Variants in ZFAND3 observed in about 807,000 individuals in gnomAD.
ZFAND3 encodes the protein zinc finger AN1-type containing 3, also known as AN1-type zinc finger protein 3.
Under a neutral mutation model 29.6 loss-of-function variants are expected in ZFAND3, and 10 were observed. That is an observed-to-expected ratio of 0.34 (90% CI 0.21 to 0.57). The LOEUF (loss-of-function observed/expected upper bound fraction) is 0.57. ZFAND3 is among the 20% of genes least tolerant of loss of function. ZFAND3 has a pLI of 0.86. For missense variants in ZFAND3, 230 were observed against 304.5 expected (o/e 0.76, Z 1.82); for synonymous variants, 128 against 112.6 (o/e 1.14, Z -0.87).
chr6:37,942,417 T>A (rs1350244810), intron 2 of ZFAND3, among the ~76,000 whole-genome samples: 1 of 152,156 alleles, frequency 6.6e-6, no homozygotes, highest in Non-Finnish European at 1.5e-5. Flanking sequence ...GTTAGCAAAA[T>A]TCTGTAAATT....
intron 1 of ZFAND3, among the ~76,000 whole-genome samples, chr6:37,919,403 T>A (rs1761330897): frequency 6.6e-6 from 1 of 152,240 alleles, no homozygotes; most frequent in African/African-American, 2.4e-5. Flanking sequence ...CAGATTTAAA[T>A]TCTCCATGTC....
At chr6:37,993,724 A>G (rs1344279071) in intron 2 of ZFAND3, among the ~76,000 whole-genome samples, 1 of 152,192 alleles carries the variant, frequency 6.6e-6, no homozygotes, top group Admixed American at 6.5e-5. Context: ...CATTTCCTTT[A>G]AAAACTCAGG....
intron 2 of ZFAND3, among the ~76,000 whole-genome samples, chr6:37,978,510 T>G (rs1282316435): frequency 2.0e-5 from 3 of 152,170 alleles, no homozygotes; most frequent in Non-Finnish European, 4.4e-5. Flanking sequence ...GAGTTGCTGT[T>G]GTTTCTTCTT....
At chr6:37,977,381 A>G (rs1327066145) in intron 2 of ZFAND3, among the ~76,000 whole-genome samples, 1 of 152,194 alleles carries the variant, frequency 6.6e-6, no homozygotes, top group Non-Finnish European at 1.5e-5. Flanking sequence ...AGCTGACTGC[A>G]ACCTCTGCCT....
At chr6:37,965,411 G>T (rs1425567692) in intron 2 of ZFAND3, among the ~76,000 whole-genome samples, 1 of 152,080 alleles carries the variant, frequency 6.6e-6, no homozygotes, top group African/African-American at 2.4e-5. Flanking sequence ...TGTAATTGGG[G>T]AAAATACCCC....
chr6:37,928,144 T>C (rs1399925953), intron 1 of ZFAND3, among the ~76,000 whole-genome samples: 1 of 152,242 alleles, frequency 6.6e-6, no homozygotes, highest in Non-Finnish European at 1.5e-5. Flanking sequence ...GTTGACAGCA[T>C]CTTTTTTGGG....
intron 2 of ZFAND3, among the ~76,000 whole-genome samples, chr6:37,972,596 G>C (rs1762408313): frequency 6.6e-6 from 1 of 152,070 alleles, no homozygotes; most frequent in Non-Finnish European, 1.5e-5. Flanking sequence ...TCACACAACA[G>C]CTATTATTTT....
At chr6:37,877,283 C>T (rs1304431292) in intron 1 of ZFAND3, among the ~76,000 whole-genome samples, 4 of 152,184 alleles carry the variant, frequency 2.6e-5, no homozygotes, top group Non-Finnish European at 5.9e-5. Context: ...ATTTCTTATC[C>T]TGTACATATT....
At chr6:38,140,128 CTA>C (rs1203202900) in intron 5 of ZFAND3, among the ~76,000 whole-genome samples, 6 of 152,054 alleles carry the variant, frequency 3.9e-5, no homozygotes, top group Non-Finnish European at 8.8e-5. Context: ...AGCAAGTGTC[CTA>C]TGTTAGACAT....
At chr6:38,082,736 ATGCAGATCAT>A (rs746692775) in intron 4 of ZFAND3, among the ~76,000 whole-genome samples, 50 of 152,326 alleles carry the variant, frequency 3.3e-4, no homozygotes, top group Non-Finnish European at 6.5e-4. Flanking sequence ...CACAACAGAA[ATGCAGATCAT>A]TGCCCAGTTT....
intron 2 of ZFAND3, among the ~76,000 whole-genome samples, chr6:37,933,096 A>G (rs1761628873): frequency 6.6e-6 from 1 of 152,260 alleles, no homozygotes; most frequent in Non-Finnish European, 1.5e-5. Flanking sequence ...TGAGTTTTAC[A>G]AGACAACATA....
intron 1 of ZFAND3, among the ~76,000 whole-genome samples, chr6:37,876,492 A>G (rs1341610112): frequency 6.6e-6 from 1 of 152,234 alleles, no homozygotes; most frequent in Non-Finnish European, 1.5e-5. Flanking sequence ...ATATAGAAGA[A>G]AATAGAGAAA....
intron 2 of ZFAND3, among the ~76,000 whole-genome samples, chr6:38,011,970 AAG>A (rs1372622046): frequency 6.6e-6 from 1 of 152,218 alleles, no homozygotes; most frequent in Non-Finnish European, 1.5e-5. Flanking sequence ...AAATATAAAA[AAG>A]ATACTTAAAA....
intron 2 of ZFAND3, among the ~76,000 whole-genome samples, chr6:38,054,410 A>C (rs958692273): frequency 2.0e-5 from 3 of 151,262 alleles, no homozygotes; most frequent in Non-Finnish European, 3.0e-5. Flanking sequence ...AAAAAAAAAA[A>C]AAAACAAGGA....
chr6:37,854,969 T>TG (rs1764352555), intron 1 of ZFAND3, among the ~76,000 whole-genome samples: 1 of 136,406 alleles, frequency 7.3e-6, no homozygotes, highest in Admixed American at 7.3e-5. Flanking sequence ...TAGGTGTTTT[T>TG]TTTTTTTTTT....
At chr6:38,112,122 C>G (rs2127482751) in intron 4 of ZFAND3, among the ~76,000 whole-genome samples, 1 of 152,322 alleles carries the variant, frequency 6.6e-6, no homozygotes, top group South Asian at 2.1e-4. Context: ...CTTGATCAGA[C>G]TTTCCTTTGA....
At chr6:37,913,635 A>G (rs561099495) in intron 1 of ZFAND3, among the ~76,000 whole-genome samples, 2 of 152,134 alleles carry the variant, frequency 1.3e-5, no homozygotes, top group Admixed American at 6.5e-5. Flanking sequence ...TCTTAAGGGC[A>G]ACTAGAATGG....
intron 2 of ZFAND3, among the ~76,000 whole-genome samples, chr6:37,995,400 G>A (rs939085158): frequency 6.6e-6 from 1 of 152,056 alleles, no homozygotes; most frequent in East Asian, 1.9e-4. Flanking sequence ...TAAAGAGCCC[G>A]GTCTCTTGGT....
chr6:38,103,439 GTGTATATATATACACACATA>G (rs1765139409), intron 4 of ZFAND3, among the ~76,000 whole-genome samples: 1 of 44,532 alleles, frequency 2.2e-5, no homozygotes, highest in African/African-American at 1.0e-4. Flanking sequence ...ATATATACAC[GTGTATATATATACACACATA>G]TATACACGTG....
Sources: gnomAD v4.1 joint callset for allele counts (sites outside exome capture counted in the v4.1 genomes callset) on GRCh38, gnomAD v4.1.1 for gene constraint, MANE v1.5 for transcripts, NCBI Gene and HGNC (gene_info 2026-07-23, HGNC 2026-07-21) for gene names.